Variants in SLIT2 observed in about 807,000 individuals in gnomAD.
SLIT2 encodes slit homolog 2 protein.
In SLIT2, 41 loss-of-function variants were observed where a neutral mutation model predicts 185.7. That is an observed-to-expected ratio of 0.22 (90% CI 0.17 to 0.29). SLIT2 has a LOEUF of 0.29. Ranked by LOEUF, SLIT2 falls within the 10% of genes least tolerant of loss-of-function variation. The pLI, the probability that SLIT2 is intolerant of heterozygous loss-of-function variation, is 1.00. For synonymous variants in SLIT2, 693 were observed against 680.2 expected (o/e 1.02, Z -0.29); for missense variants, 1,571 against 1,909.0 (o/e 0.82, Z 3.30).
rs146000652 is a variant in SLIT2 at position 20,549,986 on chromosome 4, G to C, written c.2490-841G>C. ...ATTTCAGCAAGAATTTAGGGTGTGTGGGAAGGTACTGTCAAGTATATTGGA... is the reference window on the plus strand; with the variant it reads ...ATTTCAGCAAGAATTTAGGGTGTGTCGGAAGGTACTGTCAAGTATATTGGA... On this transcript the variant is annotated intron_variant, in intron 24 of 36. Transcript: ENST00000504154. Among the ~76,000 whole-genome samples the C allele has an allele frequency of 2.6e-3, 397 of 152,104 alleles. 4 individuals are homozygous for C. The highest frequency in any genetic ancestry group is 8.9e-3 in the African/African-American group (370 of 41,540).
At chr4:20,336,444 C>T (rs1560328846) in intron 4 of SLIT2, among the ~76,000 whole-genome samples, 1 of 152,138 alleles carries the variant, frequency 6.6e-6, no homozygotes, top group Non-Finnish European at 1.5e-5. Context: ...GAAAACCTAA[C>T]ACTGCTTGTT....
intron 4 of SLIT2, among the ~76,000 whole-genome samples, chr4:20,334,249 T>C (rs1015963613): frequency 3.3e-5 from 5 of 152,132 alleles, no homozygotes; most frequent in Non-Finnish European, 5.9e-5. Flanking sequence ...CCCCAAGAAC[T>C]GTTTGCTTCA....
intron 4 of SLIT2, among the ~76,000 whole-genome samples, chr4:20,322,042 G>C (rs1719135782): frequency 6.6e-6 from 1 of 152,160 alleles, no homozygotes; most frequent in Non-Finnish European, 1.5e-5. Flanking sequence ...CAGTGCTTTA[G>C]CTAAGATAGT....
chr4:20,404,543 GT>G (rs1430075315), intron 4 of SLIT2, among the ~76,000 whole-genome samples: 2 of 151,982 alleles, frequency 1.3e-5, no homozygotes, highest in Non-Finnish European at 2.9e-5. Context: ...CTCAGTGGGT[GT>G]TAGCAGTTAT....
At chr4:20,603,382 G>A (rs1010867463) in intron 33 of SLIT2, among the ~76,000 whole-genome samples, 10 of 152,150 alleles carry the variant, frequency 6.6e-5, no homozygotes, top group Admixed American at 2.0e-4. Flanking sequence ...CAGTAATAGT[G>A]CCATGAATGA....
intron 4 of SLIT2, among the ~76,000 whole-genome samples, chr4:20,405,319 A>G (rs1726693138): frequency 6.6e-6 from 1 of 151,962 alleles, no homozygotes; most frequent in South Asian, 2.1e-4. Flanking sequence ...GATTGTATTT[A>G]TGTGAAACTG....
chr4:20,354,888 T>C (rs1487476121), intron 4 of SLIT2, among the ~76,000 whole-genome samples: 1 of 82,666 alleles, frequency 1.2e-5, no homozygotes, highest in Admixed American at 1.1e-4. Flanking sequence ...CAAGTCTGCG[T>C]GTGTGTGTGT....
chr4:20,472,353 GAT>G, intron 5 of SLIT2, among the ~76,000 whole-genome samples: 1 of 20,492 alleles, frequency 4.9e-5, no homozygotes, highest in Non-Finnish European at 9.0e-5. Flanking sequence ...TATAGATATA[GAT>G]ATCTATATAG....
rs1045115118 is a variant in SLIT2 at position 20,532,912 on chromosome 4, TA to T, written c.1689-656del. ...CTGTGTGCAATTCTCTCAGAGAAATTAAAATATGCATAAAAATGATCCTTGT... is the reference window on the plus strand; with the variant it reads ...CTGTGTGCAATTCTCTCAGAGAAATTAAATATGCATAAAAATGATCCTTGT... On this transcript the variant is annotated intron_variant, in intron 17 of 36. Transcript: ENST00000504154. Among the ~76,000 whole-genome samples the T allele has an allele frequency of 7.0e-4, 106 of 152,192 alleles. 1 individual carries two copies. Among genetic ancestry groups the T allele is most frequent in the Non-Finnish European group, 1.0e-3 (70 of 68,038 alleles).
chr4:20,514,410 G>A (rs1334353337), intron 11 of SLIT2, among the ~76,000 whole-genome samples: 1 of 152,076 alleles, frequency 6.6e-6, no homozygotes, highest in Admixed American at 6.6e-5. Flanking sequence ...GGAGGCCTAG[G>A]CAGGCGGATC....
intron 4 of SLIT2, among the ~76,000 whole-genome samples, chr4:20,418,374 A>T (rs762997696): frequency 6.6e-6 from 1 of 152,166 alleles, no homozygotes; most frequent in Non-Finnish European, 1.5e-5. Flanking sequence ...GCTTTCTGTC[A>T]TTTTATGAAG....
At chr4:20,344,375 T>A (rs1721210796) in intron 4 of SLIT2, among the ~76,000 whole-genome samples, 1 of 152,172 alleles carries the variant, frequency 6.6e-6, no homozygotes. Context: ...TGGAGAAATT[T>A]TTTTAGGTAT....
intron 4 of SLIT2, among the ~76,000 whole-genome samples, chr4:20,429,537 A>C (rs921388775): frequency 6.6e-6 from 1 of 152,194 alleles, no homozygotes; most frequent in Non-Finnish European, 1.5e-5. Context: ...TACACAAATA[A>C]ATTTTTAAGA....
At chr4:20,450,206 T>C (rs73252410) in intron 4 of SLIT2, among the ~76,000 whole-genome samples, 7,304 of 152,276 alleles carry the variant, frequency 0.048, 273 homozygotes, top group Non-Finnish European at 0.076. Flanking sequence ...CAAGCACATT[T>C]CTGTCTCTCC....
At chr4:20,391,032 G>A (rs933323740) in intron 4 of SLIT2, among the ~76,000 whole-genome samples, 5 of 151,834 alleles carry the variant, frequency 3.3e-5, no homozygotes, top group Non-Finnish European at 5.9e-5. Flanking sequence ...ACTTAAAGAT[G>A]GAAAACATAC....
At chr4:20,309,938 T>G (rs1315953156) in intron 4 of SLIT2, among the ~76,000 whole-genome samples, 1 of 151,866 alleles carries the variant, frequency 6.6e-6, no homozygotes, top group Non-Finnish European at 1.5e-5. Context: ...TTTTTGTATT[T>G]TTTTAGTAGA....
chr4:20,444,702 A>G (rs1711575814), intron 4 of SLIT2, among the ~76,000 whole-genome samples: 1 of 152,198 alleles, frequency 6.6e-6, no homozygotes, highest in African/African-American at 2.4e-5. Flanking sequence ...TTTTAAAAAC[A>G]TAGTGCTTGC....
At chr4:20,329,894 C>T (rs1421019935) in intron 4 of SLIT2, among the ~76,000 whole-genome samples, 2 of 152,050 alleles carry the variant, frequency 1.3e-5, no homozygotes, top group Non-Finnish European at 2.9e-5. Context: ...GGCTAGTTTT[C>T]TGAGGCCTTT....
chr4:20,586,304 A>G (rs182013404), intron 29 of SLIT2, among the ~76,000 whole-genome samples: 2 of 152,376 alleles, frequency 1.3e-5, no homozygotes, highest in African/African-American at 4.8e-5. Context: ...TGAGTAATTA[A>G]GCAAAAAATT....
Sources: gnomAD v4.1 joint callset for allele counts (sites outside exome capture counted in the v4.1 genomes callset) on GRCh38, gnomAD v4.1.1 for gene constraint, MANE v1.5 for transcripts, NCBI Gene and HGNC (gene_info 2026-07-23, HGNC 2026-07-21) for gene names.